Variants in ZNF112 observed in about 807,000 individuals in gnomAD.
The protein encoded by ZNF112 is zinc finger protein 112 (Y14).
In ZNF112, 37 loss-of-function variants were observed where a neutral mutation model predicts 77.7. That is an observed-to-expected ratio of 0.48 (90% confidence interval 0.37 to 0.63). The LOEUF (loss-of-function observed/expected upper bound fraction) is 0.63, where lower values mean the gene tolerates loss of function less well. Among genes scored for constraint, ZNF112 ranks in the 20% least tolerant of loss-of-function variants. The probability of loss-of-function intolerance (pLI) is 0.00; values close to 1 mark genes in which losing one functional copy is unlikely to be tolerated. For missense variants in ZNF112, 950 were observed against 1,077.4 expected (o/e 0.88, Z 1.66); for synonymous variants, 333 against 363.6 (o/e 0.92, Z 0.96).
rs75737043 is a variant in ZNF112 at position 44,335,571 on chromosome 19, G to A, written c.220+1052C>T. Among the ~76,000 whole-genome samples, 300 of 152,218 alleles carry A rather than the reference G, an allele frequency of 2.0e-3. 6 individuals carry two copies. The East Asian group carries it at 0.049, about 25-fold the overall frequency. ...AGGTAGACTGGCACAGCATGGCCTCGGCCTGTTTCTGTACAACCCAGGAGC... is the reference window on the plus strand; with the variant it reads ...AGGTAGACTGGCACAGCATGGCCTCAGCCTGTTTCTGTACAACCCAGGAGC... On this transcript the variant is annotated intron_variant, in intron 3 of 3. Transcript: ENST00000354340.
intron 1 of ZNF112, among the ~76,000 whole-genome samples, chr19:44,352,981 T>A (rs1970719880): frequency 6.6e-6 from 1 of 152,026 alleles, no homozygotes; most frequent in Admixed American, 6.6e-5. Context: ...AATAAGCTGA[T>A]TCTAAAATGC....
At chr19:44,364,841 G>C (rs1053159324) in intron 1 of ZNF112, among the ~76,000 whole-genome samples, 26 of 152,062 alleles carry the variant, frequency 1.7e-4, no homozygotes, top group African/African-American at 6.0e-4. Context: ...TTTCCATAAG[G>C]GTCCCTGAAC....
chr19:44,345,433 T>C (rs910023100), intron 1 of ZNF112, among the ~76,000 whole-genome samples: 3 of 152,222 alleles, frequency 2.0e-5, no homozygotes, highest in African/African-American at 7.2e-5. Context: ...TAACATGCGC[T>C]GTGGGTGTCT....
chr19:44,355,129 G>C (rs1045483476), intron 1 of ZNF112, among the ~76,000 whole-genome samples: 8 of 151,982 alleles, frequency 5.3e-5, no homozygotes, highest in Non-Finnish European at 1.0e-4. Context: ...GTTGAAGCTG[G>C]GTGACGCTTC....
Position 44,329,743 on chromosome 19 carries a change from C to T in ZNF112, c.414G>A (p.Trp138Ter), listed in dbSNP as rs140911818. 9 of 1,613,866 alleles carry T rather than the reference C, an allele frequency of 5.6e-6. No homozygotes were observed. Among genetic ancestry groups the T allele is most frequent in the African/African-American group, 1.3e-5 (1 of 74,866 alleles). ...QEQGNSLGQVWAGIPVQISED... is the reference protein window; with the variant it reads ...QEQGNSLGQV Reference sequence around the variant, plus strand: ...CAGAAATCTGAACTGGTATTCCTGCCCAAACCTGGCCGAGGGAATTACCTT... The same window carrying T: ...CAGAAATCTGAACTGGTATTCCTGCTCAAACCTGGCCGAGGGAATTACCTT... Residue 138 changes from tryptophan to a stop codon, truncating the protein, a stop_gained, in exon 4 of 4, where the codon TGG becomes TGA. Coordinates refer to ENST00000354340, the MANE Select transcript of ZNF112 (RefSeq NM_013380.4). LOFTEE classifies it high-confidence loss of function.
chr19:44,329,377 G>A lies in ZNF112; in HGVS notation c.780C>T (p.Ala260=). The part of the protein sequence containing the change: ...KPYPCTGYRK[A]FSNDSSSEVH... ...CCTCAGAGCTGGAGTCATTACTGAA[G>A]GCTTTTCTATACCCAGTACATGGAT... Residue 260 remains alanine (A), a synonymous_variant, in exon 4 of 4, where the codon GCC becomes GCT. Transcript: ENST00000354340. 1 of 1,613,768 alleles carries A rather than the reference G, an allele frequency of 6.2e-7. No individual in the cohort carries two copies.
At position 44,329,383 on chromosome 19, in the gene ZNF112, T is replaced by A; in HGVS notation, c.774A>T (p.Arg258Ser). 1 of 1,613,838 alleles carries A rather than the reference T, an allele frequency of 6.2e-7. No individual in the cohort carries two copies. Residue 258 changes from arginine (R) to serine (S), a missense_variant, in exon 4 of 4, where the codon AGA becomes AGT. By Grantham distance (110) the Arg-to-Ser change is moderately radical. This residue lies in a region of ZNF112 where 560 missense variants were observed against 557.3 expected (regional missense o/e 1.00). Transcript: ENST00000354340. ...AGCTGGAGTCATTACTGAAGGCTTT[T>A]CTATACCCAGTACATGGATAGGGCT... ...EEKPYPCTGYRKAFSNDSSSE... is the reference protein window; with the variant it reads ...EEKPYPCTGYSKAFSNDSSSE...
At chr19:44,356,809 G>GA (rs1026611935), upstream of ZNF112, 21 of 152,202 alleles carry the variant, frequency 1.4e-4, no homozygotes, top group African/African-American at 4.8e-4. Flanking sequence ...AGAATTCCTA[G>GA]AAAAACTCTC....
intron 3 of ZNF112, among the ~76,000 whole-genome samples, chr19:44,332,145 T>C (rs563653697): frequency 4.3e-4 from 66 of 152,226 alleles, no homozygotes; most frequent in African/African-American, 1.6e-3. Context: ...ATTGCACCTG[T>C]GAACAGCCAC....
rs1341777939 is a variant in ZNF112, at chr19:44,329,385, T to C, written c.772A>G (p.Arg258Gly). The C allele has an allele frequency of 6.2e-7, 1 of 1,613,738 alleles. No homozygotes were observed. Among genetic ancestry groups the C allele is most frequent in the African/African-American group, 1.3e-5 (1 of 74,926 alleles). ...CTGGAGTCATTACTGAAGGCTTTTC[T>C]ATACCCAGTACATGGATAGGGCTTC... is the stretch of plus-strand genomic sequence containing the variant. The part of the protein sequence containing the change: ...EEKPYPCTGY[R>G]KAFSNDSSSE... The change falls in exon 4 of 4, where the codon AGA becomes GGA. Residue 258 changes from arginine (R) to glycine (G), a missense_variant. This residue lies in a region of ZNF112 where 560 missense variants were observed against 557.3 expected (regional missense o/e 1.00). Transcript: ENST00000354340.
At chr19:44,360,536 T>C (rs574345989), upstream of ZNF112, among the ~76,000 whole-genome samples, 24 of 152,286 alleles carry the variant, frequency 1.6e-4, no homozygotes, top group Non-Finnish European at 3.4e-4. Flanking sequence ...AATAATGATG[T>C]CCACCCCAAT....
chr19:44,353,632 TA>T (rs1197042502), intron 1 of ZNF112, among the ~76,000 whole-genome samples: 6 of 151,136 alleles, frequency 4.0e-5, no homozygotes, highest in Non-Finnish European at 8.9e-5. Flanking sequence ...AAAGAAACAA[TA>T]ACAAAAAAAG....
intron 3 of ZNF112, among the ~76,000 whole-genome samples, chr19:44,335,490 A>T (rs1000841152): frequency 9.8e-5 from 15 of 152,316 alleles, no homozygotes; most frequent in Admixed American, 9.8e-4. Context: ...TAGTATAGGT[A>T]AAAAAATTAA....
At position 44,328,883 on chromosome 19, in the gene ZNF112, T is replaced by C; in HGVS notation, c.1274A>G (p.Asp425Gly). The C allele has an allele frequency of 6.2e-7, 1 of 1,614,042 alleles. No individual in the cohort carries two copies. Among genetic ancestry groups the C allele is most frequent in the South Asian group, 1.1e-5 (1 of 91,078 alleles). Residue 425 changes from aspartate to glycine, a missense_variant, in exon 4 of 4, where the codon GAC (aspartate) becomes GGC (glycine). Physicochemically the swap from Asp to Gly is moderately conservative, Grantham distance 94. Transcript: ENST00000354340. ...TTCCATATGAACCCTATGCTGAATGTCAAGATTTGAACTACAAATGAAACT... is the reference window on the plus strand; with the variant it reads ...TTCCATATGAACCCTATGCTGAATGCCAAGATTTGAACTACAAATGAAACT... ...GKSFICSSNLDIQHRVHMEEN... is the reference protein window; with the variant it reads ...GKSFICSSNLGIQHRVHMEEN...
At chr19:44,366,524 CAA>C (rs1376161773) in intron 1 of ZNF112, among the ~76,000 whole-genome samples, 3 of 152,232 alleles carry the variant, frequency 2.0e-5, no homozygotes, top group East Asian at 3.9e-4. Flanking sequence ...TGCTAGGAGC[CAA>C]AGAGTCATTC....
intron 2 of ZNF112, among the ~76,000 whole-genome samples, chr19:44,339,766 T>C (rs1339469553): frequency 6.6e-6 from 1 of 152,066 alleles, no homozygotes; most frequent in East Asian, 1.9e-4. Context: ...TCTTGGGTCT[T>C]GGGGACTCCT....
chr19:44,341,912 G>A (rs925720507), intron 1 of ZNF112, among the ~76,000 whole-genome samples: 1 of 131,670 alleles, frequency 7.6e-6, no homozygotes, highest in Non-Finnish European at 1.6e-5. Context: ...TTGCTTTTTT[G>A]TAAGTCTTTC....
At chr19:44,330,554 G>A (rs1599911894) in intron 3 of ZNF112, among the ~76,000 whole-genome samples, 1 of 152,126 alleles carries the variant, frequency 6.6e-6, no homozygotes, top group Non-Finnish European at 1.5e-5. Flanking sequence ...TGGCCAACAT[G>A]GTGAAACCCC....
chr19:44,361,700 T>C lies in ZNF112; in HGVS notation c.17+5381A>G, dbSNP rs1274950105. 4.6e-5 allele frequency among the ~76,000 whole-genome samples: 7 copies of C among 152,310 alleles called. No homozygotes were observed. In the East Asian group the frequency reaches 5.8e-4, roughly 13 times the overall value. On this transcript the variant is annotated intron_variant, in intron 1 of 4. Coordinates refer to the ZNF112 transcript ENST00000588057. ...AGTGACACTATTCTGTGTGATACAG[T>C]ATGGTTGATATAGGACATTATGCTT...
Sources: gnomAD v4.1 joint callset for allele counts (sites outside exome capture counted in the v4.1 genomes callset) on GRCh38, gnomAD v4.1.1 for gene constraint, gnomAD v4.1.1 regional missense constraint, MANE v1.5 for transcripts, NCBI Gene and HGNC (gene_info 2026-07-23, HGNC 2026-07-21) for gene names.